Variants in TMTC2 observed in about 807,000 individuals in gnomAD.
The protein encoded by TMTC2 is transmembrane O-mannosyltransferase targeting cadherins 2.
TMTC2 carries 43 observed loss-of-function variants against 82.4 expected under a neutral mutation model. That is an observed-to-expected ratio of 0.52 (90% CI 0.41 to 0.67). TMTC2 has a LOEUF of 0.67. TMTC2 is among the 30% of genes least tolerant of loss of function. The pLI is 0.00. For synonymous variants in TMTC2, 408 were observed against 381.9 expected (o/e 1.07, Z -0.80); for missense variants, 919 against 1,012.4 (o/e 0.91, Z 1.25).
At chr12:83,099,599 C>G (rs1193672656) in intron 11 of TMTC2, among the ~76,000 whole-genome samples, 1 of 152,076 alleles carries the variant, frequency 6.6e-6, no homozygotes, top group Non-Finnish European at 1.5e-5. Flanking sequence ...ATATGTGTTA[C>G]ATGCAAGGAT....
intron 1 of TMTC2, among the ~76,000 whole-genome samples, chr12:82,798,368 G>A (rs1246060697): frequency 6.7e-6 from 1 of 149,202 alleles, no homozygotes; most frequent in Non-Finnish European, 1.5e-5. Context: ...GTGGTGGCGG[G>A]CGCCTGTAGT....
chr12:83,006,589 TC>T (rs1277759236), intron 8 of TMTC2, among the ~76,000 whole-genome samples: 3 of 152,200 alleles, frequency 2.0e-5, no homozygotes, highest in African/African-American at 7.2e-5. Context: ...GACCCAGCAA[TC>T]CCATTACTGG....
intron 2 of TMTC2, among the ~76,000 whole-genome samples, chr12:82,876,756 C>G (rs1872604279): frequency 6.6e-6 from 1 of 151,914 alleles, no homozygotes; most frequent in Admixed American, 6.6e-5. Context: ...ATATTTACTT[C>G]TTTATCTTGA....
chr12:83,055,819 T>C (rs113601411), intron 10 of TMTC2, among the ~76,000 whole-genome samples: 1 of 152,054 alleles, frequency 6.6e-6, no homozygotes, highest in African/African-American at 2.4e-5. Context: ...CACTATACTT[T>C]GCTTTTATGT....
At chr12:82,883,456 C>G (rs1164053425) in intron 2 of TMTC2, among the ~76,000 whole-genome samples, 3 of 152,160 alleles carry the variant, frequency 2.0e-5, no homozygotes, top group Non-Finnish European at 2.9e-5. Context: ...AACTCCCACA[C>G]TCATTAAATA....
chr12:82,785,341 C>T (rs1432528274), intron 1 of TMTC2, among the ~76,000 whole-genome samples: 1 of 148,630 alleles, frequency 6.7e-6, no homozygotes, highest in Non-Finnish European at 1.5e-5. Flanking sequence ...ATTTTTAATC[C>T]AAAATAAACA....
intron 1 of TMTC2, among the ~76,000 whole-genome samples, chr12:82,712,429 C>CAAAAAAAAAAAAAAAAAAAAAAAAAA (rs58906003): frequency 1.4e-5 from 1 of 71,718 alleles, no homozygotes; most frequent in Non-Finnish European, 2.8e-5. Context: ...AACTCCGTCT[C>CAAAAAAAAAAAAAAAAAAAAAAAAAA]AAAAAAAAAA....
chr12:82,988,123 C>T (rs761731256), intron 8 of TMTC2, among the ~76,000 whole-genome samples: 2 of 152,050 alleles, frequency 1.3e-5, no homozygotes, highest in Admixed American at 6.6e-5. Context: ...GCAAATCAGA[C>T]TAAGCTTTTA....
At chr12:82,867,362 G>C (rs1356579236) in intron 2 of TMTC2, among the ~76,000 whole-genome samples, 1 of 152,086 alleles carries the variant, frequency 6.6e-6, no homozygotes, top group African/African-American at 2.4e-5. Flanking sequence ...TTGTTGTGAT[G>C]GGGGATCTGT....
chr12:82,777,477 A>G (rs1026872642), intron 1 of TMTC2, among the ~76,000 whole-genome samples: 18 of 152,066 alleles, frequency 1.2e-4, no homozygotes, highest in Admixed American at 9.8e-4. Context: ...TCTTTAGAGG[A>G]TACATTTCTT....
At chr12:82,893,369 C>CA (rs71443447) in intron 2 of TMTC2, among the ~76,000 whole-genome samples, 1,528 of 122,580 alleles carry the variant, frequency 0.012, 13 homozygotes, top group Non-Finnish European at 0.019. Flanking sequence ...GACTCTATCT[C>CA]AAAAAAAAAA....
At chr12:83,029,508 A>C (rs1315411203) in intron 8 of TMTC2, among the ~76,000 whole-genome samples, 1 of 152,196 alleles carries the variant, frequency 6.6e-6, no homozygotes, top group South Asian at 2.1e-4. Flanking sequence ...TTTTAAAAAT[A>C]TACTCAAAGT....
intron 1 of TMTC2, among the ~76,000 whole-genome samples, chr12:82,815,351 C>G (rs1282999334): frequency 6.7e-6 from 1 of 150,294 alleles, no homozygotes; most frequent in African/African-American, 2.4e-5. Flanking sequence ...TGCTCTGTCC[C>G]CCAGGCTGGA....
chr12:82,713,846 T>C (rs1170804761), intron 1 of TMTC2, among the ~76,000 whole-genome samples: 3 of 152,236 alleles, frequency 2.0e-5, no homozygotes, highest in Non-Finnish European at 4.4e-5. Flanking sequence ...TTGGGCATGC[T>C]GAATTTGAGG....
intron 8 of TMTC2, among the ~76,000 whole-genome samples, chr12:83,030,093 T>C (rs1332509586): frequency 6.6e-6 from 1 of 152,120 alleles, no homozygotes; most frequent in Admixed American, 6.6e-5. Context: ...ATTACAGGCC[T>C]GTAAATATTT....
At chr12:82,907,362 C>T (rs1445418804) in intron 3 of TMTC2, among the ~76,000 whole-genome samples, 2 of 151,704 alleles carry the variant, frequency 1.3e-5, no homozygotes, top group Non-Finnish European at 2.9e-5. Flanking sequence ...ACTCAGGAGG[C>T]TCAGGCAGGA....
chr12:82,729,930 C>T (rs1289749775), intron 1 of TMTC2, among the ~76,000 whole-genome samples: 1 of 152,042 alleles, frequency 6.6e-6, no homozygotes, highest in Admixed American at 6.6e-5. Context: ...GGAACAACTC[C>T]AGATGCGCTG....
intron 1 of TMTC2, among the ~76,000 whole-genome samples, chr12:82,821,207 T>A (rs1367804906): frequency 6.6e-6 from 1 of 152,178 alleles, no homozygotes; most frequent in African/African-American, 2.4e-5. Flanking sequence ...CTCGTTTGTT[T>A]TGATCCTTTT....
intron 2 of TMTC2, among the ~76,000 whole-genome samples, chr12:82,859,970 TG>T (rs1369908328): frequency 2.6e-5 from 4 of 152,054 alleles, no homozygotes; most frequent in African/African-American, 9.7e-5. Flanking sequence ...TATAGATTTT[TG>T]TTGTTGTTGT....
Sources: gnomAD v4.1 joint callset for allele counts (sites outside exome capture counted in the v4.1 genomes callset) on GRCh38, gnomAD v4.1.1 for gene constraint, MANE v1.5 for transcripts, NCBI Gene and HGNC (gene_info 2026-07-23, HGNC 2026-07-21) for gene names.